The following PCDHA10 variants were observed in gnomAD, a reference collection of about 807,000 sequenced individuals.
The protein encoded by PCDHA10 is protocadherin alpha 10.
In PCDHA10, 45 loss-of-function variants were observed where a neutral mutation model predicts 61.2. The ratio of observed to expected loss-of-function variants is 0.74; its 90% confidence interval spans 0.58 to 0.94. PCDHA10 has a LOEUF of 0.94. PCDHA10 is among the 40% of genes least tolerant of loss of function. The probability of loss-of-function intolerance (pLI) is 0.00; values close to 1 mark genes in which losing one functional copy is unlikely to be tolerated. For synonymous variants in PCDHA10, 602 were observed against 548.8 expected (o/e 1.10, Z -1.35); for missense variants, 1,278 against 1,236.2 (o/e 1.03, Z -0.51).
chr5:140,866,976 C>T (rs2049689450), intron 1 of PCDHA10: 2 of 152,224 alleles, frequency 1.3e-5, no homozygotes, highest in East Asian at 1.9e-4. Context: ...TCTGAAATAT[C>T]ACAGCCAAAA....
chr5:140,884,176 T>G, intron 1 of PCDHA10: 1 of 1,613,372 alleles, frequency 6.2e-7, no homozygotes, highest in Non-Finnish European at 8.5e-7. Flanking sequence ...CGACGCGCCC[T>G]CTGGACGAGG....
intron 1 of PCDHA10, chr5:140,967,136 C>T (rs782698899): frequency 6.8e-6 from 11 of 1,611,568 alleles, no homozygotes; most frequent in Non-Finnish European, 9.3e-6. Context: ...CTTGGAAGTG[C>T]TGGCGCACAA....
At chr5:140,980,584 C>A (rs1447001293) in intron 2 of PCDHA10, among the ~76,000 whole-genome samples, 1 of 151,934 alleles carries the variant, frequency 6.6e-6, no homozygotes, top group Non-Finnish European at 1.5e-5. Context: ...GAGCCAAGAT[C>A]GAGCCACTGC....
chr5:140,882,739 A>C (rs781997612), intron 1 of PCDHA10: 1 of 1,614,142 alleles, frequency 6.2e-7, no homozygotes, highest in East Asian at 2.2e-5. Flanking sequence ...TAGATGGCGC[A>C]TCCGATGCAG....
chr5:141,010,815 TC>T lies in PCDHA10; in HGVS notation c.*879del, dbSNP rs1159286994. 1.3e-5 allele frequency: 2 copies of T among 153,744 alleles called. No homozygotes were observed. Among genetic ancestry groups the T allele is most frequent in the Admixed American group, 6.5e-5 (1 of 15,280 alleles). 9.5% of individuals were successfully genotyped at this position (153,744 alleles called of 1,614,324 possible). On this transcript the variant is annotated 3_prime_UTR_variant, in exon 4 of 4. Coordinates refer to ENST00000307360, the MANE Select transcript of PCDHA10 (RefSeq NM_018901.4). ...AAAGAAAACCCCGACACCTCACCTT[TC>T]GCTGTTTGTTGTTTCATAGATTTAT...
intron 1 of PCDHA10, among the ~76,000 whole-genome samples, chr5:140,972,711 T>A (rs2096551404): frequency 6.7e-6 from 1 of 148,680 alleles, no homozygotes; most frequent in Non-Finnish European, 1.5e-5. Context: ...GTTGCCAGGC[T>A]GGAGTGCAGT....
chr5:140,899,981 G>T (rs929559514), intron 1 of PCDHA10, among the ~76,000 whole-genome samples: 3 of 151,734 alleles, frequency 2.0e-5, no homozygotes, highest in African/African-American at 7.3e-5. Flanking sequence ...CTACTTTTTT[G>T]ATTTTTTTTG....
chr5:140,925,124 A>AGGAAGGAAGGAAGGAAGGAAGGAAGG, intron 1 of PCDHA10, among the ~76,000 whole-genome samples: 1 of 151,856 alleles, frequency 6.6e-6, no homozygotes, highest in Non-Finnish European at 1.5e-5. Flanking sequence ...GAAGGAAGGA[A>AGGAAGGAAGGAAGGAAGGAAGGAAGG]AAAAAATTTC....
intron 1 of PCDHA10, among the ~76,000 whole-genome samples, chr5:140,916,018 T>C (rs550604062): frequency 6.6e-6 from 1 of 152,254 alleles, no homozygotes; most frequent in East Asian, 1.9e-4. Flanking sequence ...ACAAAGTCTT[T>C]CCCATTCTTC....
chr5:140,968,077 C>A lies in PCDHA10; in HGVS notation c.2389-10872C>A, dbSNP rs1274008262. 2.5e-6 allele frequency: 4 copies of A among 1,614,020 alleles called. No homozygotes were observed. In the African/African-American group the frequency reaches 4.0e-5, roughly 16 times the overall value. On this transcript the variant is annotated intron_variant, in intron 1 of 3. Coordinates refer to ENST00000307360, the MANE Select transcript of PCDHA10 (RefSeq NM_018901.4). ...GAGAGCGGGTGGCTGTCTACAACAT[C>A]ACGGTGACAGCCACAGATGGGGGAA...
chr5:140,980,834 C>A (rs1424222678), intron 2 of PCDHA10, among the ~76,000 whole-genome samples: 1 of 151,974 alleles, frequency 6.6e-6, no homozygotes, highest in Non-Finnish European at 1.5e-5. Context: ...AGTTGTGAAC[C>A]TAAATAATAC....
chr5:140,861,923 A>G (rs898939301), intron 1 of PCDHA10: 1 of 153,990 alleles, frequency 6.5e-6, no homozygotes, highest in African/African-American at 2.4e-5. Flanking sequence ...GCTGGATGTA[A>G]ATGATGATGC....
chr5:140,937,071 T>G (rs2091308048), intron 1 of PCDHA10, among the ~76,000 whole-genome samples: 1 of 147,932 alleles, frequency 6.8e-6, no homozygotes, highest in African/African-American at 2.5e-5. Context: ...GGAGTCTCGC[T>G]CTGTCGCCCA....
intron 1 of PCDHA10, among the ~76,000 whole-genome samples, chr5:140,945,017 T>C (rs1563211481): frequency 6.6e-6 from 1 of 152,172 alleles, no homozygotes; most frequent in Non-Finnish European, 1.5e-5. Context: ...AATTATTTTT[T>C]ACTCAGACAT....
Position 140,876,717 on chromosome 5 carries a change from C to T in PCDHA10, c.2388+18281C>T, listed in dbSNP as rs377702421. ...TGGTGCTGGACAGCGCCCTGGACCG[C>T]GAGAGCGTGTCGGCCTATGAGCTGG... On this transcript the variant is annotated intron_variant, in intron 1 of 3. Coordinates refer to ENST00000307360, the MANE Select transcript of PCDHA10 (RefSeq NM_018901.4). The T allele has an allele frequency of 3.7e-6, 6 of 1,614,118 alleles. No homozygotes were observed. The African/African-American group carries it at 5.3e-5, about 14-fold the overall frequency.
intron 3 of PCDHA10, among the ~76,000 whole-genome samples, chr5:140,998,010 C>A (rs2097793505): frequency 6.6e-6 from 1 of 152,096 alleles, no homozygotes; most frequent in Admixed American, 6.6e-5. Flanking sequence ...GCCTTCCATC[C>A]CCACCTCGAG....
chr5:140,877,463 C>T (rs782373755), intron 1 of PCDHA10: 1 of 1,613,772 alleles, frequency 6.2e-7, no homozygotes, highest in East Asian at 2.2e-5. Flanking sequence ...TCCACGGCCA[C>T]GGTGCTGGTG....
intron 1 of PCDHA10, chr5:140,969,002 T>C (rs201544118): frequency 8.1e-6 from 13 of 1,614,214 alleles, no homozygotes; most frequent in Non-Finnish European, 1.1e-5. Context: ...TGGAGGCTTC[T>C]GTGGAGTAAG....
At chr5:140,975,876 A>G (rs573852863) in intron 1 of PCDHA10, among the ~76,000 whole-genome samples, 1 of 152,230 alleles carries the variant, frequency 6.6e-6, no homozygotes, top group South Asian at 2.1e-4. Context: ...TACCTAATTG[A>G]TTTTTTCCAC....
Sources: allele counts gnomAD v4.1 joint callset (sites outside exome capture counted in the v4.1 genomes callset), GRCh38; gene constraint gnomAD v4.1.1; transcripts MANE v1.5; gene names NCBI Gene and HGNC (gene_info 2026-07-23, HGNC 2026-07-21).